The following MYBPC2 variants were observed in gnomAD, a reference collection of about 807,000 sequenced individuals.
MYBPC2 encodes myosin binding protein C2.
A neutral mutation model predicts 137.0 loss-of-function variants in MYBPC2; 122 were observed. The observed-to-expected ratio is 0.89, with a 90% CI of 0.77 to 1.03. The LOEUF (loss-of-function observed/expected upper bound fraction) is 1.03. Ranked by LOEUF, MYBPC2 falls within the 50% of genes least tolerant of loss-of-function variation. The pLI, the probability that MYBPC2 is intolerant of heterozygous loss-of-function variation, is 0.00. For synonymous variants in MYBPC2, 626 were observed against 612.3 expected (o/e 1.02, Z -0.33); for missense variants, 1,500 against 1,534.4 (o/e 0.98, Z 0.37).
chr19:50,433,441 G>A (rs2039675204), intron 1 of MYBPC2, among the ~76,000 whole-genome samples: 1 of 150,162 alleles, frequency 6.7e-6, no homozygotes, highest in Non-Finnish European at 1.5e-5. Context: ...GTCTCGCTCT[G>A]CCCCCGGGGC....
In MYBPC2 at chr19:50,436,823, G is replaced by A. The variant is rs11881870; in HGVS notation, c.463+89G>A. The A allele has an allele frequency of 4.0e-4, 495 of 1,249,894 alleles. 3 individuals are homozygous for A. In the African/African-American group the frequency reaches 6.4e-3, roughly 16 times the overall value. 77.4% of individuals were successfully genotyped at this position (1,249,894 alleles called of 1,614,324 possible). On this transcript the variant is annotated intron_variant, in intron 5 of 27. Transcript: ENST00000357701. ...AGCCAGGTGTTGGGAGAGTGCACAG[G>A]CATGGGCATGAGGTGGGCACAGGTT...
At chr19:50,463,938 CAAA>C (rs5828433) in intron 26 of MYBPC2, among the ~76,000 whole-genome samples, 31 of 131,128 alleles carry the variant, frequency 2.4e-4, no homozygotes, top group Non-Finnish European at 2.6e-4. Flanking sequence ...GATTCTGTCT[CAAA>C]AAAAAAAAAA....
rs1328736602 is a variant in MYBPC2 at position 50,461,978 on chromosome 19, G to A, written c.3170G>A (p.Arg1057His). 2.2e-5 allele frequency: 34 copies of A among 1,579,340 alleles called. No homozygotes were observed. The highest frequency in any genetic ancestry group is 4.6e-5 in the East Asian group (2 of 43,032). The change falls in exon 26 of 28, where the codon CGC (arginine) becomes CAC (histidine). Residue 1057 changes from arginine to histidine, a missense_variant. Arg to His is a conservative substitution (Grantham distance 29). Transcript: ENST00000357701. ...APKFLTPLID[R>H]VVVAGYSAAL... is the part of the protein sequence containing the mutation. ...AAGTTCCTGACACCTCTCATAGACC[G>A]CGTGGTCGTGGCTGGGTACTCGGCA... is the stretch of plus-strand genomic sequence containing the variant.
Position 50,436,740 on chromosome 19 carries a change from C to G in MYBPC2, c.463+6C>G. The G allele has an allele frequency of 6.2e-7, 1 of 1,612,758 alleles. No homozygotes were observed. Among genetic ancestry groups the G allele is most frequent in the Non-Finnish European group, 8.5e-7 (1 of 1,178,982 alleles). ...CTTCAACATCGATGTGGAGGGTATG[C>G]TGGTGGGGGATGCGGGAGCAAAGGG... On this transcript the variant is annotated splice_donor_region_variant and intron_variant, in intron 5 of 27. Transcript: ENST00000357701.
At chr19:50,439,612 G>A (rs1422452086) in intron 7 of MYBPC2, among the ~76,000 whole-genome samples, 1 of 143,648 alleles carries the variant, frequency 7.0e-6, no homozygotes, top group Non-Finnish European at 1.5e-5. Flanking sequence ...TAGGTCCTGG[G>A]CTGAGATCCA....
intron 13 of MYBPC2, among the ~76,000 whole-genome samples, chr19:50,450,171 AAAC>A (rs907621181): frequency 1.3e-5 from 2 of 152,100 alleles, no homozygotes; most frequent in African/African-American, 2.4e-5. Flanking sequence ...AAACAAACAA[AAAC>A]AACAACACAT....
In MYBPC2 at chr19:50,456,392, CCAT is replaced by C. The variant is rs2039914392; in HGVS notation, c.2338+750_2338+752del. Among the ~76,000 whole-genome samples, 5 of 148,354 alleles carry C rather than the reference CCAT, an allele frequency of 3.4e-5. 1 individual carries two copies. The highest frequency in any genetic ancestry group is 2.7e-4 in the Admixed American group (4 of 14,790). ...TCCATCCATCTATCCATCCATCCATCCATCCATCCATCTGTCCATATTTCCTTC... is the reference window on the plus strand; with the variant it reads ...TCCATCCATCTATCCATCCATCCATCCCATCCATCTGTCCATATTTCCTTC... On this transcript the variant is annotated intron_variant, in intron 20 of 27. Transcript: ENST00000357701.
chr19:50,441,187 G>A (rs2122584542), intron 8 of MYBPC2, 111 bp downstream of exon 8: 1 of 1,213,882 alleles, frequency 8.2e-7, no homozygotes, highest in South Asian at 1.8e-5. Context: ...AATGAGGTAG[G>A]AGGCAAGACC....
Position 50,436,473 on chromosome 19 carries a change from T to A in MYBPC2, c.346-144T>A, listed in dbSNP as rs530279453. The A allele has an allele frequency of 1.5e-3, 1,185 of 780,812 alleles. 21 individuals carry two copies. The South Asian group carries it at 0.02, about 13-fold the overall frequency. 48.4% of individuals were successfully genotyped at this position (780,812 alleles called of 1,614,324 possible). On this transcript the variant is annotated intron_variant, in intron 4 of 27. Transcript: ENST00000357701. Reference sequence around the variant, plus strand: ...TGAGGAGACAGAGCTGGCCACCAGGTGCTGAGACCCCTCTCGGTCTCCATT... The same window carrying A: ...TGAGGAGACAGAGCTGGCCACCAGGAGCTGAGACCCCTCTCGGTCTCCATT...
chr19:50,461,564 G>T lies in MYBPC2; in HGVS notation c.2954G>T (p.Arg985Leu). The T allele has an allele frequency of 6.2e-7, 1 of 1,613,512 alleles. No individual in the cohort carries two copies. Among genetic ancestry groups the T allele is most frequent in the African/African-American group, 1.3e-5 (1 of 74,966 alleles). Residue 985 changes from arginine to leucine, a missense_variant, in exon 25 of 28, where the codon CGT becomes CTT. Coordinates refer to ENST00000357701, the MANE Select transcript of MYBPC2 (RefSeq NM_004533.4). ...KTMEWFNVYE[R>L]NRHTSCTVSD... ...TAGGAGTGGTTCAACGTCTATGAAC[G>T]TAACAGGCACACTAGCTGTACTGTG...
rs1318887226 is a variant in MYBPC2 at position 50,435,224 on chromosome 19, A to G, written c.83A>G (p.Lys28Arg). 7.8e-7 allele frequency: 1 copy of G among 1,285,690 alleles called. No individual in the cohort carries two copies. The highest frequency in any genetic ancestry group is 2.3e-5 in the East Asian group (1 of 42,572). 79.6% of individuals were successfully genotyped at this position (1,285,690 alleles called of 1,614,324 possible). ...PKGAPKEAPP[K>R]EAPAEAPKEA... is the part of the protein sequence containing the mutation. ...GGAGCCCCCAAGGAGGCTCCCCCTA[A>G]GGAGGCTCCTGCAGAGGCCCCCAAA... Residue 28 changes from lysine (K) to arginine (R), a missense_variant, in exon 2 of 28, where the codon AAG becomes AGG. Transcript: ENST00000357701. This position sits in a 1 kb window ranked among gnomAD's most constrained non-coding sequence, Gnocchi z 4.8.
chr19:50,436,092 T>C lies in MYBPC2; in HGVS notation c.277T>C (p.Trp93Arg). The C allele has an allele frequency of 6.3e-7, 1 of 1,582,040 alleles. No homozygotes were observed. The highest frequency in any genetic ancestry group is 8.6e-7 in the Non-Finnish European group (1 of 1,164,348). Residue 93 changes from tryptophan (W) to arginine (R), a missense_variant, in exon 4 of 28, where the codon TGG (tryptophan) becomes CGG (arginine). Coordinates refer to ENST00000357701, the MANE Select transcript of MYBPC2 (RefSeq NM_004533.4). The stretch of plus-strand genomic sequence containing the variant: ...GACCATCAAGTGGTTCAAGGGGAAG[T>C]GGCTGGAGCTGGGCAGCAAGAGTGG... ...KPTIKWFKGK[W>R]LELGSKSGAR...
intron 23 of MYBPC2, among the ~76,000 whole-genome samples, chr19:50,459,680 TGAG>T (rs1289265531): frequency 2.8e-4 from 5 of 18,166 alleles, no homozygotes; most frequent in Admixed American, 1.5e-3. Flanking sequence ...GGTGAGGAGA[TGAG>T]GAGGGGAGGG....
chr19:50,457,721 C>A (rs1339488927), intron 20 of MYBPC2, among the ~76,000 whole-genome samples: 1 of 145,470 alleles, frequency 6.9e-6, no homozygotes, highest in Non-Finnish European at 1.5e-5. Flanking sequence ...GGTCTGTCGC[C>A]CAGGCTGGAA....
In MYBPC2 at chr19:50,464,137, G is replaced by A. The variant is rs564587979; in HGVS notation, c.3229-209G>A. The A allele has an allele frequency of 4.0e-4, 202 of 503,204 alleles. 2 individuals carry two copies. Among genetic ancestry groups the A allele is most frequent in the South Asian group, 3.4e-3 (156 of 46,030 alleles). 31.2% of individuals were successfully genotyped at this position (503,204 alleles called of 1,614,324 possible). ...GAGCTCTTTGTCCTGAGAGCAATGG[G>A]AAGACCCCACCGTTACCCTGTGAAG... On this transcript the variant is annotated intron_variant, in intron 26 of 27. Transcript: ENST00000357701.
rs2040005128 is a variant in MYBPC2, at chr19:50,465,235, CATG to C, written c.3415+707_3415+709del. Among the ~76,000 whole-genome samples, 1 of 152,166 alleles carries C rather than the reference CATG, an allele frequency of 6.6e-6. No individual in the cohort carries two copies. Among genetic ancestry groups the C allele is most frequent in the Admixed American group, 6.5e-5 (1 of 15,278 alleles). ...GGTGTGTCCACCCCGGTTCTTCCCA[CATG>C]ATGTCCCAGCCACACCGGGCTGTTG... On this transcript the variant is annotated intron_variant, in intron 27 of 27. Coordinates refer to ENST00000357701, the MANE Select transcript of MYBPC2 (RefSeq NM_004533.4). This position sits in a 1 kb window ranked among gnomAD's most constrained non-coding sequence, Gnocchi z 4.5.
chr19:50,464,005 G>A (rs1185220868), intron 26 of MYBPC2, among the ~76,000 whole-genome samples: 1 of 152,046 alleles, frequency 6.6e-6, no homozygotes, highest in Non-Finnish European at 1.5e-5. Flanking sequence ...TCCTGAGGTG[G>A]GTGCCTGTCT....
intron 16 of MYBPC2, among the ~76,000 whole-genome samples, chr19:50,452,299 A>G (rs566129472): frequency 7.2e-5 from 11 of 152,300 alleles, no homozygotes; most frequent in African/African-American, 2.6e-4. Flanking sequence ...TCATCAACTA[A>G]TTGGTTAATT....
At chr19:50,463,912 C>G (rs956132843) in intron 26 of MYBPC2, among the ~76,000 whole-genome samples, 1 of 148,868 alleles carries the variant, frequency 6.7e-6, no homozygotes, top group Non-Finnish European at 1.5e-5. Context: ...GCACTCCAGC[C>G]TGGGAGACAA....
Sources: gnomAD v4.1 joint callset for allele counts (sites outside exome capture counted in the v4.1 genomes callset) on GRCh38, gnomAD v4.1.1 for gene constraint, Gnocchi (gnomAD v3.1) non-coding constraint, MANE v1.5 for transcripts, NCBI Gene and HGNC (gene_info 2026-07-23, HGNC 2026-07-21) for gene names.